Variants in CPB2 observed in about 807,000 individuals in gnomAD.
CPB2 encodes carboxypeptidase B-like protein.
A neutral mutation model predicts 57.0 loss-of-function variants in CPB2; 54 were observed. The ratio of observed to expected loss-of-function variants is 0.95; its 90% CI spans 0.76 to 1.19. CPB2 has a LOEUF of 1.19. Ranked by LOEUF, CPB2 falls within the 50% of genes most tolerant of loss-of-function variation. CPB2 has a pLI of 0.00. For synonymous variants in CPB2, 189 were observed against 178.1 expected (o/e 1.06, Z -0.49); for missense variants, 426 against 512.0 (o/e 0.83, Z 1.62).
At position 46,055,748 on chromosome 13, in the gene CPB2, G is replaced by T; in HGVS notation, c.1087+14C>A. The stretch of plus-strand genomic sequence containing the variant: ...AGCTCAAAGTTCTCTAAGATCATAA[G>T]AAGAAATACTTACATAAGGTTTCTG... On this transcript the variant is annotated intron_variant, in intron 10 of 10. Coordinates refer to ENST00000181383, the MANE Select transcript of CPB2 (RefSeq NM_001872.5). The T allele has an allele frequency of 1.4e-6, 2 of 1,479,366 alleles. No individual in the cohort carries two copies. The highest frequency in any genetic ancestry group is 1.8e-5 in the Admixed American group (1 of 54,546). 91.6% of individuals were successfully genotyped at this position (1,479,366 alleles called of 1,614,324 possible).
At chr13:46,054,123 C>T (rs1036308752) in intron 10 of CPB2, among the ~76,000 whole-genome samples, 3 of 152,168 alleles carry the variant, frequency 2.0e-5, no homozygotes, top group African/African-American at 7.2e-5. Context: ...TTTCCCCTTC[C>T]CATACCATCA....
chr13:46,073,403 A>G, intron 6 of CPB2: 1 of 818,838 alleles, frequency 1.2e-6, no homozygotes, highest in South Asian at 5.4e-5. Context: ...CTTCAGGAAC[A>G]AAATTCCCTA....
chr13:46,082,948 C>T (rs1402070831), intron 3 of CPB2, among the ~76,000 whole-genome samples: 2 of 151,726 alleles, frequency 1.3e-5, no homozygotes, highest in Admixed American at 1.3e-4. Flanking sequence ...AGCAGAAAAG[C>T]CTTTTCTTTC....
intron 1 of CPB2, chr13:46,094,987 A>G (rs886904008): frequency 8.5e-5 from 13 of 152,186 alleles, no homozygotes; most frequent in African/African-American, 1.9e-4. Flanking sequence ...AAAGAGACCT[A>G]TGGAAATTTC....
At chr13:46,063,105 A>G (rs996362819) in intron 8 of CPB2, among the ~76,000 whole-genome samples, 26 of 152,216 alleles carry the variant, frequency 1.7e-4, no homozygotes, top group East Asian at 3.9e-4. Flanking sequence ...ATGTAGTACT[A>G]TGAAAAATAA....
chr13:46,071,998 T>C (rs2044949851), intron 6 of CPB2, among the ~76,000 whole-genome samples: 1 of 152,216 alleles, frequency 6.6e-6, no homozygotes, highest in Admixed American at 6.5e-5. Context: ...TTAACATATA[T>C]TCACTGGGTC....
Position 46,090,597 on chromosome 13 carries a change from C to T in CPB2, c.75-2777G>A, listed in dbSNP as rs17844181. On this transcript the variant is annotated intron_variant, in intron 1 of 10. Coordinates refer to ENST00000181383, the MANE Select transcript of CPB2 (RefSeq NM_001872.5). ...CAGGCTGGTCTCGAACTCCTGACCCCGTGATCCACCCGCCTCAGCCTCCCA... is the reference window on the plus strand; with the variant it reads ...CAGGCTGGTCTCGAACTCCTGACCCTGTGATCCACCCGCCTCAGCCTCCCA... Among the ~76,000 whole-genome samples, 1,003 of 151,724 alleles carry T rather than the reference C, an allele frequency of 6.6e-3. 14 individuals are homozygous for T. The highest frequency in any genetic ancestry group is 0.023 in the African/African-American group (933 of 41,368).
intron 2 of CPB2, 44 bp downstream of exon 2, chr13:46,087,701 A>T (rs557234457): frequency 2.2e-6 from 3 of 1,361,184 alleles, no homozygotes; most frequent in Non-Finnish European, 3.1e-6. Flanking sequence ...CCCAGTGCTT[A>T]TACAAAGTGA....
chr13:46,056,138 A>G (rs1347495494), intron 9 of CPB2, among the ~76,000 whole-genome samples: 1 of 152,024 alleles, frequency 6.6e-6, no homozygotes, highest in Non-Finnish European at 1.5e-5. Context: ...CCTTTTTGGG[A>G]ACTCATTTAT....
chr13:46,089,999 G>T (rs2045268012), intron 1 of CPB2, among the ~76,000 whole-genome samples: 1 of 152,134 alleles, frequency 6.6e-6, no homozygotes, highest in East Asian at 1.9e-4. Flanking sequence ...GATTACCCTT[G>T]CTAATATAAT....
At chr13:46,093,680 A>C (rs2045326692) in intron 1 of CPB2, among the ~76,000 whole-genome samples, 1 of 152,224 alleles carries the variant, frequency 6.6e-6, no homozygotes. Context: ...ATGTGTTAAA[A>C]TCAGGAGAAA....
chr13:46,093,312 A>G (rs891500980), intron 1 of CPB2, among the ~76,000 whole-genome samples: 2 of 152,216 alleles, frequency 1.3e-5, no homozygotes, highest in African/African-American at 4.8e-5. Flanking sequence ...CTTGCTTATT[A>G]GAAGAGGGGA....
intron 8 of CPB2, among the ~76,000 whole-genome samples, chr13:46,062,566 C>A (rs1593885031): frequency 6.6e-6 from 1 of 152,156 alleles, no homozygotes; most frequent in Non-Finnish European, 1.5e-5. Context: ...TAGGGAGAAA[C>A]CACTAAATGA....
chr13:46,085,011 C>T (rs1327282235), intron 2 of CPB2, among the ~76,000 whole-genome samples: 4 of 151,836 alleles, frequency 2.6e-5, no homozygotes, highest in South Asian at 2.1e-4. Flanking sequence ...CCACCACGCC[C>T]GGCTAATTTT....
At chr13:46,068,002 C>G (rs2044881390) in intron 6 of CPB2, among the ~76,000 whole-genome samples, 1 of 152,168 alleles carries the variant, frequency 6.6e-6, no homozygotes, top group Admixed American at 6.5e-5. Context: ...AGTCATCCAG[C>G]TTAGTGGCAC....
Position 46,055,758 on chromosome 13 carries a change from T to C in CPB2, c.1087+4A>G. On this transcript the variant is annotated splice_donor_region_variant and intron_variant, in intron 10 of 10. Coordinates refer to ENST00000181383, the MANE Select transcript of CPB2 (RefSeq NM_001872.5). ...TCTCTAAGATCATAAGAAGAAATAC[T>C]TACATAAGGTTTCTGAGCCATGGCC... The C allele has an allele frequency of 6.5e-7, 1 of 1,530,644 alleles. No homozygotes were observed. Among genetic ancestry groups the C allele is most frequent in the Non-Finnish European group, 9.0e-7 (1 of 1,114,366 alleles). The allele number at this position is 1,530,644 out of a possible 1,614,324, so 94.8% of individuals were successfully genotyped here.
chr13:46,068,982 A>T (rs1160293489), intron 6 of CPB2, among the ~76,000 whole-genome samples: 1 of 152,166 alleles, frequency 6.6e-6, no homozygotes, highest in Non-Finnish European at 1.5e-5. Context: ...TCCTTTTAAA[A>T]TAATAAAGCA....
rs757052810 is a variant in CPB2 at position 46,078,820 on chromosome 13, A to G, written c.466T>C (p.Tyr156His). 6.2e-7 allele frequency: 1 copy of G among 1,606,638 alleles called. No individual in the cohort carries two copies. The highest frequency in any genetic ancestry group is 8.5e-7 in the Non-Finnish European group (1 of 1,173,466). ...KIHIGSSFEK[Y>H]PLYVLKVSGK... Reference sequence around the variant, plus strand: ...CATACCTTTAAAACATAGAGTGGGTACTTCTCAAATGAGGATCCAATGTGG... The same window carrying G: ...CATACCTTTAAAACATAGAGTGGGTGCTTCTCAAATGAGGATCCAATGTGG... The change falls in exon 5 of 11, where the codon TAC becomes CAC. Residue 156 changes from tyrosine (Y) to histidine (H), a missense_variant. By Grantham distance (83) the Tyr-to-His change is moderately conservative (BLOSUM62 2). Coordinates refer to ENST00000181383, the MANE Select transcript of CPB2 (RefSeq NM_001872.5).
At position 46,084,302 on chromosome 13, in the gene CPB2, C is replaced by A. The variant is rs1371792751; in HGVS notation, c.192G>T (p.Lys64Asn). Residue 64 changes from lysine to asparagine, a missense_variant, in exon 3 of 11, where the codon AAG becomes AAT. Lys to Asn is a moderately conservative substitution (Grantham distance 94). Coordinates refer to ENST00000181383, the MANE Select transcript of CPB2 (RefSeq NM_001872.5). Reference sequence around the variant, plus strand: ...TTACAAAAAAATGGACTTGTTTTTTCTTCACAATAAGGTCAGCTGTTACCG... The same window carrying A: ...TTACAAAAAAATGGACTTGTTTTTTATTCACAATAAGGTCAGCTGTTACCG... ...WQPVTADLIV[K>N]KKQVHFFVNA... is the part of the protein sequence containing the mutation. The A allele has an allele frequency of 1.9e-6, 3 of 1,614,020 alleles. No individual in the cohort carries two copies. Among genetic ancestry groups the A allele is most frequent in the Non-Finnish European group, 2.5e-6 (3 of 1,179,968 alleles).
Sources: gnomAD v4.1 joint callset for allele counts (sites outside exome capture counted in the v4.1 genomes callset) on GRCh38, gnomAD v4.1.1 for gene constraint, MANE v1.5 for transcripts, NCBI Gene and HGNC (gene_info 2026-07-23, HGNC 2026-07-21) for gene names.